Variants in SLC29A1 observed in about 807,000 individuals in gnomAD.
SLC29A1 encodes equilibrative nucleoside transporter 1.
SLC29A1 carries 22 observed loss-of-function variants against 48.3 expected under a neutral mutation model. The observed-to-expected ratio is 0.46, with a 90% CI of 0.33 to 0.65. The LOEUF (loss-of-function observed/expected upper bound fraction) is 0.65, where lower values mean the gene tolerates loss of function less well. SLC29A1 is among the 30% of genes least tolerant of loss of function. The probability of loss-of-function intolerance (pLI) is 0.03; values close to 1 mark genes in which losing one functional copy is unlikely to be tolerated. For missense variants in SLC29A1, 491 were observed against 575.3 expected (o/e 0.85, Z 1.50); for synonymous variants, 228 against 231.0 (o/e 0.99, Z 0.12).
Position 44,229,844 on chromosome 6 carries a change from A to G in SLC29A1, c.314+53A>G. 6.2e-7 allele frequency: 1 copy of G among 1,600,740 alleles called. No homozygotes were observed. Among genetic ancestry groups the G allele is most frequent in the Admixed American group, 1.7e-5 (1 of 59,468 alleles). On this transcript the variant is annotated intron_variant, in intron 4 of 12. Transcript: ENST00000371755. This position sits in a 1 kb window ranked among gnomAD's most constrained non-coding sequence, Gnocchi z 5.1. Reference sequence around the variant, plus strand: ...CAGCCTGACCCTCACTGTGTCCTGCACCCCCTTGGCTGAGCCCCAGCTTTG... The same window carrying G: ...CAGCCTGACCCTCACTGTGTCCTGCGCCCCCTTGGCTGAGCCCCAGCTTTG...
Position 44,229,501 on chromosome 6 carries a change from G to C in SLC29A1, c.111+30G>C, listed in dbSNP as rs773571379. 2.5e-6 allele frequency: 4 copies of C among 1,608,488 alleles called. No individual in the cohort carries two copies. In the Admixed American group the frequency reaches 5.0e-5, roughly 20 times the overall value. ...GGCTGGAGGGACTGGGCTCCATGGG[G>C]CAGTGCCCACTGTGCTTGCAGGATC... is the stretch of plus-strand genomic sequence containing the variant. On this transcript the variant is annotated intron_variant, in intron 3 of 12. Transcript: ENST00000371755. The surrounding 1 kb of genome is among the most constrained non-coding windows in gnomAD (Gnocchi z 5.1).
chr6:44,219,645 A>C (rs1028991187), upstream of SLC29A1: 1 of 1,220,912 alleles, frequency 8.2e-7, no homozygotes, highest in East Asian at 5.9e-5. Flanking sequence ...CACACCGGTC[A>C]GGCCCGGCGC....
chr6:44,221,336 CAT>C (rs1293163484), upstream of SLC29A1, among the ~76,000 whole-genome samples: 19 of 152,318 alleles, frequency 1.2e-4, no homozygotes, highest in African/African-American at 4.6e-4. The surrounding 1 kb of genome is among the most constrained non-coding windows in gnomAD (Gnocchi z 4.2). Context: ...AGTCATGAGA[CAT>C]GTGCTGGTTA....
chr6:44,230,755 G>A lies in SLC29A1; in HGVS notation c.688-56G>A, dbSNP rs375671853. 1.7e-4 allele frequency: 261 copies of A among 1,581,168 alleles called. 2 individuals are homozygous for A. The African/African-American group carries it at 2.7e-3, about 16-fold the overall frequency. ...CTGAGGACAAAACCTGAAGGAGGCC[G>A]GGATTCTGGAGATTCTGCCTCTAAA... On this transcript the variant is annotated intron_variant, in intron 7 of 12. Transcript: ENST00000371755.
intron 8 of SLC29A1, 90 bp downstream of exon 8, chr6:44,230,979 T>TTA: frequency 1.0e-6 from 1 of 990,348 alleles, no homozygotes; most frequent in Non-Finnish European, 1.6e-6. Flanking sequence ...GTGCCCTGTG[T>TTA]TAGCTAGCAG....
intron 7 of SLC29A1, 71 bp downstream of exon 7, chr6:44,230,736 A>G (rs1778656980): frequency 6.3e-6 from 10 of 1,576,762 alleles, no homozygotes; most frequent in Non-Finnish European, 8.7e-6. Context: ...TGTTCTGAGG[A>G]CAAAACCTGA....
chr6:44,221,205 A>C (rs533975244), upstream of SLC29A1, among the ~76,000 whole-genome samples: 18 of 152,134 alleles, frequency 1.2e-4, no homozygotes, highest in Admixed American at 9.2e-4. This position sits in a 1 kb window ranked among gnomAD's most constrained non-coding sequence, Gnocchi z 4.2. Context: ...TTGATTCATG[A>C]GTTTTTTGGC....
intron 2 of SLC29A1, among the ~76,000 whole-genome samples, chr6:44,228,735 A>G (rs1016970244): frequency 5.3e-5 from 8 of 152,244 alleles, no homozygotes; most frequent in Admixed American, 3.9e-4. Flanking sequence ...AAAGGTGGAC[A>G]GTCCTTATTT....
At chr6:44,230,729 TC>T in intron 7 of SLC29A1, 64 bp downstream of exon 7, 1 of 1,569,234 alleles carries the variant, frequency 6.4e-7, no homozygotes, top group Non-Finnish European at 8.8e-7. Context: ...CCACGGGTGT[TC>T]TGAGGACAAA....
upstream of SLC29A1, among the ~76,000 whole-genome samples, chr6:44,220,841 A>AC (rs1178643057): frequency 2.6e-5 from 4 of 151,270 alleles, no homozygotes; most frequent in South Asian, 2.1e-4. Flanking sequence ...AAGAAAAAAA[A>AC]AAACAAACTT....
At chr6:44,226,232 CAGCT>C in intron 1 of SLC29A1, 1 of 462,538 alleles carries the variant, frequency 2.2e-6, no homozygotes, top group Non-Finnish European at 2.8e-6. Context: ...GGCCTGGGCC[CAGCT>C]AGGCCTGAGT....
rs781188728 is a variant in SLC29A1, at chr6:44,227,252, G to T, written c.-51-11G>T. 6.2e-7 allele frequency: 1 copy of T among 1,611,192 alleles called. No homozygotes were observed. On this transcript the variant is annotated splice_polypyrimidine_tract_variant and intron_variant, in intron 1 of 12. Coordinates refer to ENST00000371755, the MANE Select transcript of SLC29A1 (RefSeq NM_001372327.1). ...CAAGACAGGGCCTCACACTGTTCCT[G>T]CCCCCAGCAGGCCCCTGAGGGAGGG...
upstream of SLC29A1, chr6:44,223,478 G>A: frequency 1.0e-6 from 1 of 958,266 alleles, no homozygotes; most frequent in Non-Finnish European, 1.3e-6. This position sits in a 1 kb window ranked among gnomAD's most constrained non-coding sequence, Gnocchi z 5.0. Flanking sequence ...GCCGCGGGGT[G>A]GCAGGGGTGG....
chr6:44,226,166 T>A (rs1777481036), intron 1 of SLC29A1: 1 of 967,326 alleles, frequency 1.0e-6, no homozygotes, highest in Admixed American at 6.2e-5. Flanking sequence ...TCTGGGCACC[T>A]GGTGAGTGCC....
chr6:44,223,587 G>C, upstream of SLC29A1: 1 of 1,214,316 alleles, frequency 8.2e-7, no homozygotes, highest in South Asian at 1.4e-5. This position sits in a 1 kb window ranked among gnomAD's most constrained non-coding sequence, Gnocchi z 5.0. Context: ...GCGGGAGAGG[G>C]AAGCTGCAGC....
At chr6:44,221,502 G>C, upstream of SLC29A1, 3 of 655,554 alleles carry the variant, frequency 4.6e-6, no homozygotes, top group Non-Finnish European at 4.7e-6. The surrounding 1 kb of genome is among the most constrained non-coding windows in gnomAD (Gnocchi z 4.2). Flanking sequence ...TCTGGGCCAA[G>C]CCACGGTCCC....
In SLC29A1 at chr6:44,229,670, G is replaced by A. The variant is rs780839608; in HGVS notation, c.193G>A (p.Ala65Thr). The change falls in exon 4 of 13, where the codon GCC (alanine) becomes ACC (threonine). Residue 65 changes from alanine to threonine, a missense_variant. By Grantham distance (58) the Ala-to-Thr change is moderately conservative (BLOSUM62 0). Coordinates refer to ENST00000371755, the MANE Select transcript of SLC29A1 (RefSeq NM_001372327.1). This position sits in a 1 kb window ranked among gnomAD's most constrained non-coding sequence, Gnocchi z 5.1. ...GAGCAAGGACGCCCAGGCGTCAGCC[G>A]CCCCTGCAGCACCCTTGCCTGAGCG... ...ELSKDAQASA[A>T]PAAPLPERNS... is the part of the protein sequence containing the mutation. The A allele has an allele frequency of 2.0e-5, 33 of 1,613,940 alleles. No homozygotes were observed. The highest frequency in any genetic ancestry group is 1.1e-4 in the African/African-American group (8 of 74,926).
chr6:44,224,331 C>A (rs575815267), intron 1 of SLC29A1, among the ~76,000 whole-genome samples: 1 of 151,604 alleles, frequency 6.6e-6, no homozygotes, highest in East Asian at 2.0e-4. Context: ...CTCCAACTTT[C>A]CTCCTGCTTG....
Position 44,232,015 on chromosome 6 carries a change from C to T in SLC29A1, c.882C>T (p.Phe294=). 1 of 1,613,738 alleles carries T rather than the reference C, an allele frequency of 6.2e-7. No homozygotes were observed. ...AILKNISVLA[F]SVCFIFTITI... Reference sequence around the variant, plus strand: ...CTATCTAGATCTCAGTCCTGGCTTTCTCTGTCTGCTTCATCTTCACTATCA... The same window carrying T: ...CTATCTAGATCTCAGTCCTGGCTTTTTCTGTCTGCTTCATCTTCACTATCA... The change falls in exon 10 of 13, where the codon TTC becomes TTT. Residue 294 remains phenylalanine (F), a synonymous_variant. Transcript: ENST00000371755. This position sits in a 1 kb window ranked among gnomAD's most constrained non-coding sequence, Gnocchi z 4.7.
Sources: gnomAD v4.1 joint callset for allele counts (sites outside exome capture counted in the v4.1 genomes callset) on GRCh38, gnomAD v4.1.1 for gene constraint, Gnocchi (gnomAD v3.1) non-coding constraint, MANE v1.5 for transcripts, NCBI Gene and HGNC (gene_info 2026-07-23, HGNC 2026-07-21) for gene names.